MICU1: variants seen among roughly 807,000 people sequenced by gnomAD.
MICU1 encodes mitochondrial calcium uptake 1.
In MICU1, 45 loss-of-function variants were observed where a neutral mutation model predicts 56.8. The ratio of observed to expected loss-of-function variants is 0.79; its 90% CI spans 0.62 to 1.02. The LOEUF (loss-of-function observed/expected upper bound fraction) is 1.02. Among genes scored for constraint, MICU1 ranks in the 50% least tolerant of loss-of-function variants. The pLI is 0.00. For missense variants in MICU1, 504 were observed against 587.1 expected, an observed-to-expected ratio of 0.86 and a Z score of 1.46; for synonymous variants, 186 against 195.1, an observed-to-expected ratio of 0.95 and a Z score of 0.39.
intron 6 of MICU1, among the ~76,000 whole-genome samples, chr10:72,496,365 G>T (rs1246802064): frequency 6.8e-6 from 1 of 147,452 alleles, no homozygotes; most frequent in African/African-American, 2.5e-5. Context: ...GCAATGGCAT[G>T]ATCTTGGCTC....
intron 6 of MICU1, among the ~76,000 whole-genome samples, chr10:72,486,119 A>G (rs1866467206): frequency 6.6e-6 from 1 of 152,206 alleles, no homozygotes; most frequent in African/African-American, 2.4e-5. Context: ...TGTTATTTAT[A>G]ATAAACATAT....
At chr10:72,570,322 T>C (rs1006629563) in intron 1 of MICU1, among the ~76,000 whole-genome samples, 1 of 152,078 alleles carries the variant, frequency 6.6e-6, no homozygotes, top group African/African-American at 2.4e-5. Flanking sequence ...TCCCCTTGCC[T>C]CAAGGCCCAA....
At chr10:72,468,620 G>GA (rs201437315) in intron 8 of MICU1, among the ~76,000 whole-genome samples, 4,898 of 143,226 alleles carry the variant, frequency 0.034, 112 homozygotes, top group South Asian at 0.081. Context: ...AGGGTAGAAT[G>GA]AAAAAAAAAA....
intron 8 of MICU1, among the ~76,000 whole-genome samples, chr10:72,436,907 A>G (rs895317252): frequency 6.6e-6 from 1 of 152,218 alleles, no homozygotes; most frequent in African/African-American, 2.4e-5. Flanking sequence ...TGCAAAGACC[A>G]AATCTACGTT....
chr10:72,513,191 A>G (rs1358403353), intron 5 of MICU1, among the ~76,000 whole-genome samples: 1 of 152,134 alleles, frequency 6.6e-6, no homozygotes, highest in Admixed American at 6.5e-5. Flanking sequence ...AGGATTCCAC[A>G]TTCTCCACAC....
At chr10:72,564,528 G>T (rs772671150) in intron 2 of MICU1, among the ~76,000 whole-genome samples, 2 of 122,528 alleles carry the variant, frequency 1.6e-5, no homozygotes, top group Admixed American at 9.9e-5. Context: ...GACAGAGTGA[G>T]ACTCCATCTC....
chr10:72,525,794 G>T (rs1213540474), intron 5 of MICU1, among the ~76,000 whole-genome samples: 1 of 152,144 alleles, frequency 6.6e-6, no homozygotes, highest in Non-Finnish European at 1.5e-5. Context: ...ATTTTACTGA[G>T]AATGTAACTG....
intron 1 of MICU1, among the ~76,000 whole-genome samples, chr10:72,581,312 T>A (rs1840892194): frequency 6.6e-6 from 1 of 152,172 alleles, no homozygotes; most frequent in South Asian, 2.1e-4. Flanking sequence ...GTGAAAAAAG[T>A]TAGCATCTGT....
chr10:72,485,881 TCACACACACACACACACGCA>T (rs989826193), intron 6 of MICU1, among the ~76,000 whole-genome samples: 2 of 147,758 alleles, frequency 1.4e-5, no homozygotes, highest in East Asian at 2.0e-4. Flanking sequence ...AAAAGGTCAG[TCACACACACACACACACGCA>T]CACACACACA....
At chr10:72,547,568 A>G (rs1366188126) in intron 4 of MICU1, among the ~76,000 whole-genome samples, 1 of 150,540 alleles carries the variant, frequency 6.6e-6, no homozygotes, top group East Asian at 1.9e-4. Context: ...ATTAGAAAAT[A>G]AAGAAACGTA....
At chr10:72,454,435 C>T (rs968397478) in intron 8 of MICU1, among the ~76,000 whole-genome samples, 2 of 151,074 alleles carry the variant, frequency 1.3e-5, no homozygotes, top group African/African-American at 4.9e-5. Flanking sequence ...GCCTGGGCAA[C>T]AAGAGTGAAA....
At chr10:72,588,369 C>T (rs944335540) in intron 1 of MICU1, among the ~76,000 whole-genome samples, 3 of 151,350 alleles carry the variant, frequency 2.0e-5, no homozygotes, top group African/African-American at 7.3e-5. Flanking sequence ...AATAGAGTGT[C>T]TCAACTAAGA....
intron 6 of MICU1, among the ~76,000 whole-genome samples, chr10:72,486,145 A>G (rs907979803): frequency 1.3e-5 from 2 of 152,208 alleles, no homozygotes; most frequent in Admixed American, 1.3e-4. Context: ...ATAAAATGCA[A>G]GAAGATAATA....
chr10:72,537,235 T>C (rs1370380595), intron 4 of MICU1, among the ~76,000 whole-genome samples: 1 of 152,160 alleles, frequency 6.6e-6, no homozygotes, highest in Non-Finnish European at 1.5e-5. Flanking sequence ...ATGAAGGAGA[T>C]GGTTGGATTA....
At chr10:72,369,356 TA>T (rs1306184640) in intron 11 of MICU1, among the ~76,000 whole-genome samples, 1 of 150,996 alleles carries the variant, frequency 6.6e-6, no homozygotes, top group African/African-American at 2.4e-5. Flanking sequence ...CCAGGGTCTG[TA>T]TTGCTCCTAA....
Position 72,497,221 on chromosome 10 carries a change from G to A in MICU1, c.652+10934C>T, listed in dbSNP as rs140658392. On this transcript the variant is annotated intron_variant, in intron 6 of 11. Transcript: ENST00000361114. Reference sequence around the variant, plus strand: ...ATTACAGGCACATGCCACTGCATCCGGCTAATTTTTGTATTTTTAGTAGAG... The same window carrying A: ...ATTACAGGCACATGCCACTGCATCCAGCTAATTTTTGTATTTTTAGTAGAG... 5.6e-3 allele frequency among the ~76,000 whole-genome samples: 851 copies of A among 151,368 alleles called. 6 individuals carry two copies. The highest frequency in any genetic ancestry group is 0.026 in the East Asian group (135 of 5,152).
At chr10:72,538,472 G>A (rs1033060620) in intron 4 of MICU1, among the ~76,000 whole-genome samples, 2 of 152,136 alleles carry the variant, frequency 1.3e-5, no homozygotes, top group African/African-American at 4.8e-5. Context: ...ACTTTAAAGT[G>A]TAGAGTTTTT....
In MICU1 at chr10:72,519,246, T is replaced by C. The variant is rs114199757; in HGVS notation, c.538-10977A>G. Among the ~76,000 whole-genome samples the C allele has an allele frequency of 8.1e-3, 1,241 of 152,298 alleles. 14 individuals are homozygous for C. The highest frequency in any genetic ancestry group is 0.028 in the African/African-American group (1,169 of 41,578). On this transcript the variant is annotated intron_variant, in intron 5 of 11. Transcript: ENST00000361114. ...AACTTAAATGAACAAAATATAACTG[T>C]TTTACTATTCACTGATATGACCTAG...
chr10:72,417,449 G>A (rs1285666508), intron 9 of MICU1, among the ~76,000 whole-genome samples: 6 of 133,266 alleles, frequency 4.5e-5, no homozygotes, highest in Admixed American at 3.8e-4. Flanking sequence ...GCAAGACTCC[G>A]TCTCAAAAAA....
Sources: gnomAD v4.1 joint callset for allele counts (sites outside exome capture counted in the v4.1 genomes callset) on GRCh38, gnomAD v4.1.1 for gene constraint, MANE v1.5 for transcripts, NCBI Gene and HGNC (gene_info 2026-07-23, HGNC 2026-07-21) for gene names.